Variants in SRSF11 observed in about 807,000 individuals in gnomAD.
SRSF11 encodes serine and arginine rich splicing factor 11, also known as serine/arginine-rich splicing factor 11.
SRSF11 carries 9 observed loss-of-function variants against 56.0 expected under a neutral mutation model. That is an observed-to-expected ratio of 0.16 (90% CI 0.10 to 0.28). The LOEUF is 0.28. SRSF11 is among the 10% of genes least tolerant of loss of function. SRSF11 has a pLI of 1.00. For missense variants in SRSF11, 421 were observed against 600.7 expected (o/e 0.70, Z 3.13); for synonymous variants, 222 against 215.3 (o/e 1.03, Z -0.27).
chr1:70,245,085 A>G (rs1676438155), intron 8 of SRSF11, among the ~76,000 whole-genome samples: 1 of 152,224 alleles, frequency 6.6e-6, no homozygotes, highest in Non-Finnish European at 1.5e-5. Context: ...CATAAGAAAT[A>G]CCGTAACGTT....
chr1:70,210,687 C>G (rs1669484761), intron 1 of SRSF11, among the ~76,000 whole-genome samples: 1 of 152,122 alleles, frequency 6.6e-6, no homozygotes, highest in Non-Finnish European at 1.5e-5. Context: ...TGTACTCCAG[C>G]CTGGACAACA....
At chr1:70,238,019 A>G (rs1190178780) in intron 6 of SRSF11, among the ~76,000 whole-genome samples, 1 of 152,160 alleles carries the variant, frequency 6.6e-6, no homozygotes, top group Non-Finnish European at 1.5e-5. Context: ...TTGAGAGTAA[A>G]TGAATAGATA....
chr1:70,232,105 A>C (rs757309282), intron 2 of SRSF11, 163 bp from the exon 3 acceptor site: 1 of 1,547,640 alleles, frequency 6.5e-7, no homozygotes, highest in Non-Finnish European at 8.7e-7. Context: ...TTCTGACATA[A>C]AATTAATGAT....
chr1:70,219,533 T>A (rs527960103), upstream of SRSF11, among the ~76,000 whole-genome samples: 83 of 152,348 alleles, frequency 5.4e-4, no homozygotes, highest in Non-Finnish European at 1.0e-3. Context: ...GTTGGTTGAA[T>A]CCACATACAT....
chr1:70,222,811 A>G (rs1184602832), intron 1 of SRSF11: 4 of 152,218 alleles, frequency 2.6e-5, no homozygotes, highest in Non-Finnish European at 5.9e-5. Context: ...ACGTGTAACC[A>G]TTAACTTTCT....
chr1:70,244,093 C>T (rs887706462), intron 7 of SRSF11, among the ~76,000 whole-genome samples: 1 of 152,006 alleles, frequency 6.6e-6, no homozygotes, highest in African/African-American at 2.4e-5. Flanking sequence ...GTCTGCATTG[C>T]CTGGAGTTTC....
chr1:70,217,130 G>T (rs1053130433), upstream of SRSF11, among the ~76,000 whole-genome samples: 9 of 151,836 alleles, frequency 5.9e-5, no homozygotes, highest in Non-Finnish European at 2.9e-5. Flanking sequence ...TCTTTGTGGG[G>T]TTTTTTGTGT....
intron 6 of SRSF11, among the ~76,000 whole-genome samples, chr1:70,238,465 A>G (rs140939393): frequency 3.9e-4 from 59 of 152,370 alleles, no homozygotes; most frequent in African/African-American, 1.3e-3. Context: ...AAGAAACTCA[A>G]TCTCACTTTG....
intron 7 of SRSF11, among the ~76,000 whole-genome samples, chr1:70,243,462 C>G (rs540309730): frequency 1.3e-5 from 2 of 148,178 alleles, no homozygotes; most frequent in South Asian, 4.5e-4. Context: ...GAGCTAGACT[C>G]TATATACTGC....
At chr1:70,248,705 A>C (rs1459936510) in intron 9 of SRSF11, 4 of 152,048 alleles carry the variant, frequency 2.6e-5, no homozygotes, top group Admixed American at 2.6e-4. Flanking sequence ...TGTACTTGTA[A>C]GTGCCTTCTC....
At chr1:70,250,524 A>G in intron 11 of SRSF11, 21 bp downstream of exon 11, 1 of 1,606,702 alleles carries the variant, frequency 6.2e-7, no homozygotes, top group Non-Finnish European at 8.5e-7. Context: ...AAATTGATTT[A>G]TTTTTATATT....
chr1:70,233,886 T>TA (rs1673378477), intron 3 of SRSF11, among the ~76,000 whole-genome samples: 1 of 152,162 alleles, frequency 6.6e-6, no homozygotes, highest in South Asian at 2.1e-4. Flanking sequence ...ACTAACTAGT[T>TA]ATAGGAGATT....
chr1:70,207,833 C>T (rs1209913884), intron 1 of SRSF11, among the ~76,000 whole-genome samples: 1 of 151,828 alleles, frequency 6.6e-6, no homozygotes, highest in Non-Finnish European at 1.5e-5. Context: ...TCAAACAGTC[C>T]TCCCACCTCA....
At chr1:70,207,926 G>C (rs1669204407) in intron 1 of SRSF11, among the ~76,000 whole-genome samples, 1 of 151,906 alleles carries the variant, frequency 6.6e-6, no homozygotes, top group African/African-American at 2.4e-5. Flanking sequence ...GCCAAGGCTG[G>C]TCTTGAACTC....
intron 8 of SRSF11, among the ~76,000 whole-genome samples, chr1:70,246,138 GGTT>G (rs796284518): frequency 5.6e-4 from 85 of 152,114 alleles, no homozygotes; most frequent in African/African-American, 2.0e-3. Context: ...TAAAGAGGGG[GGTT>G]GTTATGAGAC....
chr1:70,227,978 T>C lies in SRSF11; in HGVS notation c.204-444T>C, dbSNP rs368071230. Reference sequence around the variant, plus strand: ...GCAGTTCAAGAAAACTCATTGATTATTGAGTACATGTTCGTTCTCATGATA... The same window carrying C: ...GCAGTTCAAGAAAACTCATTGATTACTGAGTACATGTTCGTTCTCATGATA... On this transcript the variant is annotated intron_variant, in intron 1 of 11. Coordinates refer to ENST00000370949, the MANE Select transcript of SRSF11 (RefSeq NM_001350605.2). Among the ~76,000 whole-genome samples, 13 of 152,242 alleles carry C rather than the reference T, an allele frequency of 8.5e-5. No homozygotes were observed. The East Asian group carries it at 1.9e-3, about 22-fold the overall frequency.
chr1:70,237,588 T>C, intron 6 of SRSF11, 36 bp downstream of exon 6: 1 of 1,600,036 alleles, frequency 6.2e-7, no homozygotes, highest in Non-Finnish European at 8.5e-7. Context: ...TGTGTGATTC[T>C]TAGCAAAAAT....
chr1:70,207,691 A>ACC (rs1364504350), intron 1 of SRSF11, among the ~76,000 whole-genome samples: 3 of 136,978 alleles, frequency 2.2e-5, no homozygotes, highest in Admixed American at 7.3e-5. Context: ...TACAGTAACC[A>ACC]CCCCTCCCCC....
intron 3 of SRSF11, 58 bp downstream of exon 3, chr1:70,232,435 C>T (rs1673013580): frequency 7.4e-7 from 1 of 1,356,698 alleles, no homozygotes; most frequent in Middle Eastern, 1.9e-4. Context: ...GTGCATAAAG[C>T]TAAACATATT....
Sources: allele counts gnomAD v4.1 joint callset (sites outside exome capture counted in the v4.1 genomes callset), GRCh38; gene constraint gnomAD v4.1.1; transcripts MANE v1.5; gene names NCBI Gene and HGNC (gene_info 2026-07-23, HGNC 2026-07-21).